PPP1R1C: variants seen among roughly 807,000 people sequenced by gnomAD.
PPP1R1C encodes the protein protein phosphatase 1 regulatory inhibitor subunit 1C.
Under a neutral mutation model 17.4 loss-of-function variants are expected in PPP1R1C, and 15 were observed. That is an observed-to-expected ratio of 0.86 (90% CI 0.58 to 1.33). The LOEUF (loss-of-function observed/expected upper bound fraction) is 1.33, where lower values mean the gene tolerates loss of function less well. Ranked by LOEUF, PPP1R1C falls within the 40% of genes most tolerant of loss-of-function variation. The pLI is 0.00. For missense variants in PPP1R1C, 143 were observed against 130.0 expected (o/e 1.10, Z -0.48); for synonymous variants, 35 against 43.1 (o/e 0.81, Z 0.73).
chr2:182,097,506 G>T (rs1344216761), intron 4 of PPP1R1C, among the ~76,000 whole-genome samples: 1 of 152,148 alleles, frequency 6.6e-6, no homozygotes, highest in African/African-American at 2.4e-5. Flanking sequence ...TGAATTGACA[G>T]GGGAATAAAA....
At chr2:182,006,087 A>G (rs1182238867) in intron 2 of PPP1R1C, among the ~76,000 whole-genome samples, 1 of 152,040 alleles carries the variant, frequency 6.6e-6, no homozygotes, top group Non-Finnish European at 1.5e-5. Context: ...TCATCATTGC[A>G]TTTGTTATTT....
chr2:181,978,086 T>G (rs1027748540), intron 2 of PPP1R1C, among the ~76,000 whole-genome samples: 1 of 152,210 alleles, frequency 6.6e-6, no homozygotes, highest in Non-Finnish European at 1.5e-5. Flanking sequence ...GGATGTCTTA[T>G]ATGGCGGCAG....
upstream of PPP1R1C, among the ~76,000 whole-genome samples, chr2:181,981,449 A>ACT (rs910892032): frequency 1.2e-4 from 18 of 152,204 alleles, no homozygotes; most frequent in Admixed American, 3.3e-4. Flanking sequence ...GCATGGTTGA[A>ACT]CTTATAGGAC....
rs1325279332 is a variant in PPP1R1C at position 181,961,161 on chromosome 2, T to A, written n.111+6527T>A. The A allele has an allele frequency of 1.2e-5, 9 of 730,216 alleles. No individual in the cohort carries two copies. Among genetic ancestry groups the A allele is most frequent in the Non-Finnish European group, 2.2e-5 (9 of 414,564 alleles). The allele number at this position is 730,216 out of a possible 1,614,324, so 45.2% of individuals were successfully genotyped here. On this transcript the variant is annotated intron_variant and non_coding_transcript_variant, in intron 1 of 5. Transcript: ENST00000464264. This position sits in a 1 kb window ranked among gnomAD's most constrained non-coding sequence, Gnocchi z 5.8. Reference sequence around the variant, plus strand: ...TCCTTCCTTTCACCTCTGAACTTTTTATTGACCTCCTGCTCCCCAAAGGGT... The same window carrying A: ...TCCTTCCTTTCACCTCTGAACTTTTAATTGACCTCCTGCTCCCCAAAGGGT...
intron 4 of PPP1R1C, among the ~76,000 whole-genome samples, chr2:182,086,122 T>C (rs1688621293): frequency 6.6e-6 from 1 of 151,942 alleles, no homozygotes; most frequent in African/African-American, 2.4e-5. Context: ...AGGAAAATAT[T>C]GCAATAGCTA....
chr2:182,028,712 T>C (rs1376624558), intron 2 of PPP1R1C, among the ~76,000 whole-genome samples: 3 of 149,350 alleles, frequency 2.0e-5, no homozygotes, highest in Admixed American at 1.3e-4. Flanking sequence ...GAGAGTTCTG[T>C]AGATGTCTAT....
At chr2:182,008,329 T>C (rs1685990703) in intron 2 of PPP1R1C, among the ~76,000 whole-genome samples, 1 of 152,142 alleles carries the variant, frequency 6.6e-6, no homozygotes, top group Admixed American at 6.5e-5. Context: ...AATAATGTTT[T>C]TATTATCATT....
chr2:181,962,136 G>T lies in PPP1R1C; in HGVS notation n.111+7502G>T. The T allele has an allele frequency of 1.4e-6, 1 of 730,752 alleles. No individual in the cohort carries two copies. Among genetic ancestry groups the T allele is most frequent in the Non-Finnish European group, 2.5e-6 (1 of 397,890 alleles). The allele number at this position is 730,752 out of a possible 1,614,324, so 45.3% of individuals were successfully genotyped here. Reference sequence around the variant, plus strand: ...ACCTGGAGTCCCTTCTTCTCCAGGTGCTCCCGGATTTTGCTCTCCAGCTTC... The same window carrying T: ...ACCTGGAGTCCCTTCTTCTCCAGGTTCTCCCGGATTTTGCTCTCCAGCTTC... On this transcript the variant is annotated intron_variant and non_coding_transcript_variant, in intron 1 of 5. Transcript: ENST00000464264. This position sits in a 1 kb window ranked among gnomAD's most constrained non-coding sequence, Gnocchi z 6.0.
chr2:182,124,339 G>GTTTTTTTTTTTTTTT (rs1378403544), intron 5 of PPP1R1C, among the ~76,000 whole-genome samples: 1 of 52,164 alleles, frequency 1.9e-5, no homozygotes, highest in Non-Finnish European at 4.0e-5. Flanking sequence ...TTTTTTTTTT[G>GTTTTTTTTTTTTTTT]TTTTTTTTTT....
chr2:182,032,126 A>G (rs1042133054), intron 2 of PPP1R1C, among the ~76,000 whole-genome samples: 1 of 152,242 alleles, frequency 6.6e-6, no homozygotes, highest in Non-Finnish European at 1.5e-5. Flanking sequence ...CATAGCAGAT[A>G]AACATGGAAA....
chr2:182,122,362 A>C (rs1471304860), downstream of PPP1R1C, among the ~76,000 whole-genome samples: 3 of 152,316 alleles, frequency 2.0e-5, no homozygotes, highest in Non-Finnish European at 2.9e-5. Flanking sequence ...AAATATGATT[A>C]TAATGTGTAT....
chr2:181,956,745 T>G (rs1684676649), intron 1 of PPP1R1C, among the ~76,000 whole-genome samples: 1 of 152,222 alleles, frequency 6.6e-6, no homozygotes, highest in African/African-American at 2.4e-5. Context: ...TTTTGGTAAT[T>G]TTGATTACCA....
chr2:181,987,753 A>AGG, intron 1 of PPP1R1C, 86 bp from the exon 2 acceptor site: 1 of 1,339,326 alleles, frequency 7.5e-7, no homozygotes, highest in Non-Finnish European at 1.0e-6. Context: ...GGAAAAGATG[A>AGG]GGGTGAGACA....
intron 2 of PPP1R1C, among the ~76,000 whole-genome samples, chr2:182,002,783 A>T (rs1422448042): frequency 6.6e-6 from 1 of 152,070 alleles, no homozygotes; most frequent in African/African-American, 2.4e-5. Context: ...TAATACCCTC[A>T]TGAAATCCCA....
At chr2:182,105,864 T>C (rs1188627945) in intron 4 of PPP1R1C, among the ~76,000 whole-genome samples, 2 of 152,158 alleles carry the variant, frequency 1.3e-5, no homozygotes, top group Non-Finnish European at 2.9e-5. Flanking sequence ...AGGGTTGCCA[T>C]CACAATGTGC....
intron 2 of PPP1R1C, among the ~76,000 whole-genome samples, chr2:182,056,827 A>G (rs1018314237): frequency 6.6e-6 from 1 of 152,124 alleles, no homozygotes; most frequent in African/African-American, 2.4e-5. Context: ...TATCTTCTCA[A>G]TCTCTAGAAA....
chr2:182,088,365 C>T (rs1186950608), intron 4 of PPP1R1C, among the ~76,000 whole-genome samples: 1 of 152,196 alleles, frequency 6.6e-6, no homozygotes, highest in Non-Finnish European at 1.5e-5. Context: ...CTAACATGTT[C>T]TCGGACCTCT....
intron 1 of PPP1R1C, among the ~76,000 whole-genome samples, chr2:181,958,428 T>A (rs543704558): frequency 3.3e-5 from 5 of 152,034 alleles, no homozygotes; most frequent in Non-Finnish European, 7.4e-5. Context: ...GAAGTACAAA[T>A]ACAAAAGCTG....
At chr2:182,022,697 G>A (rs913911310) in intron 2 of PPP1R1C, among the ~76,000 whole-genome samples, 2 of 152,170 alleles carry the variant, frequency 1.3e-5, no homozygotes, top group Non-Finnish European at 2.9e-5. Flanking sequence ...CACTACTGTA[G>A]AATCTCAGGA....
Sources: allele counts gnomAD v4.1 joint callset (sites outside exome capture counted in the v4.1 genomes callset), GRCh38; gene constraint gnomAD v4.1.1; non-coding constraint Gnocchi (gnomAD v3.1); transcripts MANE v1.5; gene names NCBI Gene and HGNC (gene_info 2026-07-23, HGNC 2026-07-21).